The following UGT1A7 variants were observed in gnomAD, a reference collection of about 807,000 sequenced individuals.
UGT1A7 encodes the protein UDP-glucuronosyltransferase 1A7.
In UGT1A7, 33 loss-of-function variants were observed where a neutral mutation model predicts 45.6. The ratio of observed to expected loss-of-function variants is 0.72; its 90% confidence interval spans 0.55 to 0.97. The LOEUF (loss-of-function observed/expected upper bound fraction) is 0.97. UGT1A7 is among the 50% of genes least tolerant of loss of function. The pLI is 0.00. For missense variants in UGT1A7, 684 were observed against 666.2 expected (o/e 1.03, Z -0.29); for synonymous variants, 274 against 250.6 (o/e 1.09, Z -0.88).
rs187295904 is a variant in UGT1A7 at position 233,750,155 on chromosome 2, A to G, written c.856-16879A>G. 9.7e-4 allele frequency among the ~76,000 whole-genome samples: 148 copies of G among 152,026 alleles called. 1 individual carries two copies. Among genetic ancestry groups the G allele is most frequent in the Non-Finnish European group, 1.5e-3 (103 of 68,038 alleles). ...TTGGAACTTCCTAGAGACTTGTTGA[A>G]TGGTTTTGACCAAAATGCTGATAAT... On this transcript the variant is annotated intron_variant, in intron 1 of 4. Coordinates refer to ENST00000373426, the MANE Select transcript of UGT1A7 (RefSeq NM_019077.3).
At chr2:233,754,997 G>A in intron 1 of UGT1A7, 1 of 1,294,706 alleles carries the variant, frequency 7.7e-7, no homozygotes. Context: ...CACGGAAGCT[G>A]AAGACCTACT....
intron 1 of UGT1A7, chr2:233,730,112 T>C (rs933459456): frequency 6.4e-7 from 1 of 1,565,128 alleles, no homozygotes; most frequent in Admixed American, 1.8e-5. Context: ...TTTCTGCTTC[T>C]CCTTGTCATA....
At chr2:233,716,524 C>T (rs1465366179) in intron 1 of UGT1A7, among the ~76,000 whole-genome samples, 1 of 152,198 alleles carries the variant, frequency 6.6e-6, no homozygotes. Flanking sequence ...GCTTACCATT[C>T]AATTATCTCC....
At chr2:233,718,907 A>C (rs368882210) in intron 1 of UGT1A7, 4 of 1,613,892 alleles carry the variant, frequency 2.5e-6, no homozygotes, top group Middle Eastern at 1.7e-4. Context: ...CTGAGAGTGG[A>C]AAGGTGTTGG....
chr2:233,729,564 T>C (rs537662273), intron 1 of UGT1A7: 126 of 1,614,046 alleles, frequency 7.8e-5, no homozygotes, highest in Non-Finnish European at 1.0e-4. Context: ...CTACTTCCTT[T>C]GATGTGGTTT....
chr2:233,768,228 A>G lies in UGT1A7; in HGVS notation c.1084A>G (p.Met362Val), dbSNP rs367784507. 6.8e-6 allele frequency: 11 copies of G among 1,614,094 alleles called. No individual in the cohort carries two copies. Among genetic ancestry groups the G allele is most frequent in the Non-Finnish European group, 9.3e-6 (11 of 1,180,048 alleles). Residue 362 changes from methionine (M) to valine (V), a missense_variant, in exon 4 of 5, where the codon ATG becomes GTG. Physicochemically the swap from Met to Val is conservative, Grantham distance 21. Coordinates refer to ENST00000373426, the MANE Select transcript of UGT1A7 (RefSeq NM_019077.3). ...CCTATTTTGCATCTCAGGTCACCCG[A>G]TGACCCGTGCCTTTATCACCCATGC... ...LPQNDLLGHP[M>V]TRAFITHAGS...
intron 1 of UGT1A7, chr2:233,743,566 G>A (rs532152836): frequency 7.3e-7 from 1 of 1,367,298 alleles, no homozygotes; most frequent in African/African-American, 1.5e-5. Context: ...TCTCCAGCGG[G>A]TTTCCCAAGA....
chr2:233,729,143 A>G lies in UGT1A7; in HGVS notation c.856-37891A>G, dbSNP rs28898617. Reference sequence around the variant, plus strand: ...TCTGCTGAGATGGCCACAGGACTCCAGGTTCCCCTGCCGTGGCTGGCCACA... The same window carrying G: ...TCTGCTGAGATGGCCACAGGACTCCGGGTTCCCCTGCCGTGGCTGGCCACA... On this transcript the variant is annotated intron_variant, in intron 1 of 4. Transcript: ENST00000373426. 1.4e-3 allele frequency: 2,190 copies of G among 1,613,464 alleles called. 46 individuals are homozygous for G. The East Asian group carries it at 0.046, about 34-fold the overall frequency.
intron 1 of UGT1A7, chr2:233,747,175 C>T (rs1385775895): frequency 1.8e-5 from 28 of 1,599,104 alleles, no homozygotes; most frequent in South Asian, 8.9e-5. Context: ...GGAGGCACAG[C>T]GTGGGGTGGA....
chr2:233,721,950 T>C (rs1362850553), intron 1 of UGT1A7: 2 of 360,066 alleles, frequency 5.6e-6, no homozygotes, highest in Admixed American at 6.4e-5. Context: ...TTGGTGGCTC[T>C]TTGTATATGC....
Position 233,713,840 on chromosome 2 carries a change from C to T in UGT1A7, c.855+31048C>T, listed in dbSNP as rs149208140. The T allele has an allele frequency of 4.2e-3, 6,793 of 1,614,012 alleles. 23 individuals carry two copies. Among genetic ancestry groups the T allele is most frequent in the Non-Finnish European group, 5.2e-3 (6,094 of 1,179,958 alleles). On this transcript the variant is annotated intron_variant, in intron 1 of 4. Transcript: ENST00000373426. ...TCATTGGGGGCATCAACTGTGCCAA[C>T]GGGAAGCCACTATCTCAGGTCTGTA...
chr2:233,742,523 T>A (rs1692010019), intron 1 of UGT1A7, among the ~76,000 whole-genome samples: 1 of 151,942 alleles, frequency 6.6e-6, no homozygotes, highest in Non-Finnish European at 1.5e-5. Context: ...GTCACAGTGC[T>A]GCAGAGATTT....
At chr2:233,724,315 G>T (rs1179998085) in intron 1 of UGT1A7, among the ~76,000 whole-genome samples, 3 of 148,806 alleles carry the variant, frequency 2.0e-5, no homozygotes, top group African/African-American at 5.0e-5. Context: ...CTCCCGGACG[G>T]GGCGGCTGGC....
intron 1 of UGT1A7, among the ~76,000 whole-genome samples, chr2:233,718,327 CAATG>C (rs1387578184): frequency 6.6e-6 from 1 of 152,204 alleles, no homozygotes; most frequent in East Asian, 1.9e-4. Flanking sequence ...GCTGGCTTAG[CAATG>C]TTGTATGTCT....
At chr2:233,683,891 C>T (rs1216790606) in intron 1 of UGT1A7, among the ~76,000 whole-genome samples, 12 of 152,068 alleles carry the variant, frequency 7.9e-5, no homozygotes, top group Non-Finnish European at 1.8e-4. Context: ...GGTATTTATA[C>T]CTCTTATTTT....
At position 233,729,391 on chromosome 2, in the gene UGT1A7, T is replaced by C. The variant is rs1264943751; in HGVS notation, c.856-37643T>C. On this transcript the variant is annotated intron_variant, in intron 1 of 4. Transcript: ENST00000373426. ...TGCCATTTCGTGGACCCAGGATGAA[T>C]TTGATCGCCATGTGCTGGGCCACAC... 6.2e-7 allele frequency: 1 copy of C among 1,613,898 alleles called. No individual in the cohort carries two copies. Among genetic ancestry groups the C allele is most frequent in the Non-Finnish European group, 8.5e-7 (1 of 1,179,836 alleles).
At chr2:233,711,959 T>C (rs999056036) in intron 1 of UGT1A7, among the ~76,000 whole-genome samples, 2 of 152,220 alleles carry the variant, frequency 1.3e-5, no homozygotes, top group African/African-American at 4.8e-5. Context: ...ATTCTCCATT[T>C]TGAAATTTGA....
At chr2:233,699,972 A>C (rs768298502) in intron 1 of UGT1A7, among the ~76,000 whole-genome samples, 1 of 152,052 alleles carries the variant, frequency 6.6e-6, no homozygotes, top group African/African-American at 2.4e-5. Flanking sequence ...CCGTCCCCCA[A>C]CTCCCAACAA....
intron 1 of UGT1A7, among the ~76,000 whole-genome samples, chr2:233,695,500 T>C (rs1423604345): frequency 2.0e-5 from 3 of 152,070 alleles, no homozygotes; most frequent in African/African-American, 4.8e-5. Context: ...ATCAAAGTTT[T>C]TGGAGTATTA....
Sources: allele counts gnomAD v4.1 joint callset (sites outside exome capture counted in the v4.1 genomes callset), GRCh38; gene constraint gnomAD v4.1.1; transcripts MANE v1.5; gene names NCBI Gene and HGNC (gene_info 2026-07-23, HGNC 2026-07-21).